PPM1L: variants seen among roughly 807,000 people sequenced by gnomAD.
The protein encoded by PPM1L is protein phosphatase 1L.
In PPM1L, 13 loss-of-function variants were observed where a neutral mutation model predicts 31.4. The ratio of observed to expected loss-of-function variants is 0.41; its 90% confidence interval spans 0.27 to 0.66. PPM1L has a LOEUF of 0.66. PPM1L is among the 30% of genes least tolerant of loss of function. PPM1L has a pLI of 0.29. For missense variants in PPM1L, 326 were observed against 453.7 expected, an observed-to-expected ratio of 0.72 and a Z score of 2.56; for synonymous variants, 184 against 175.4, an observed-to-expected ratio of 1.05 and a Z score of -0.39.
rs1013720463 is a variant in PPM1L at position 160,796,671 on chromosome 3, G to A, written c.399+39964G>A. 3.9e-5 allele frequency among the ~76,000 whole-genome samples: 6 copies of A among 152,184 alleles called. No individual in the cohort carries two copies. The South Asian group carries it at 1.2e-3, about 31-fold the overall frequency. ...AGGGCTTGAACTTTGGAGTAAGAAG[G>A]ATCTGCATTTAAATTTGATTCTCCC... On this transcript the variant is annotated intron_variant, in intron 1 of 3. Coordinates refer to ENST00000498165, the MANE Select transcript of PPM1L (RefSeq NM_139245.4).
At chr3:160,761,763 G>A (rs1187122535) in intron 1 of PPM1L, among the ~76,000 whole-genome samples, 1 of 152,182 alleles carries the variant, frequency 6.6e-6, no homozygotes, top group African/African-American at 2.4e-5. Flanking sequence ...ATAGTTCCAC[G>A]TGGCTGGGGA....
chr3:160,797,119 G>A (rs1347247221), intron 1 of PPM1L, among the ~76,000 whole-genome samples: 1 of 152,106 alleles, frequency 6.6e-6, no homozygotes, highest in African/African-American at 2.4e-5. Context: ...CCCATGTTGA[G>A]CAAGATTATT....
intron 2 of PPM1L, among the ~76,000 whole-genome samples, chr3:160,986,508 G>A (rs985585264): frequency 6.6e-6 from 1 of 152,162 alleles, no homozygotes; most frequent in Non-Finnish European, 1.5e-5. Flanking sequence ...ATTACAAATT[G>A]TAAAGAGTTA....
At chr3:160,758,983 G>C (rs939369363) in intron 1 of PPM1L, among the ~76,000 whole-genome samples, 3 of 152,134 alleles carry the variant, frequency 2.0e-5, no homozygotes, top group African/African-American at 4.8e-5. Flanking sequence ...GCAAAATAAG[G>C]AAAGTGCTAC....
chr3:160,981,841 C>T (rs1393331378), intron 2 of PPM1L, among the ~76,000 whole-genome samples: 12 of 152,110 alleles, frequency 7.9e-5, no homozygotes, highest in Admixed American at 7.2e-4. Context: ...CAGCTCACTG[C>T]AGCCTCTGCC....
intron 1 of PPM1L, among the ~76,000 whole-genome samples, chr3:160,893,398 C>T (rs1302626767): frequency 4.6e-5 from 7 of 152,146 alleles, no homozygotes; most frequent in Non-Finnish European, 7.4e-5. Flanking sequence ...TTTGAAATAG[C>T]TCACTCAGCA....
intron 2 of PPM1L, among the ~76,000 whole-genome samples, chr3:160,975,351 T>C (rs1576755521): frequency 6.6e-6 from 1 of 152,166 alleles, no homozygotes; most frequent in Non-Finnish European, 1.5e-5. Context: ...GACTTGGCGA[T>C]GCGGGCTCTT....
In PPM1L at chr3:161,075,471, T is replaced by C. The variant is rs1720068831; in HGVS notation, c.*6314T>C. On this transcript the variant is annotated 3_prime_UTR_variant, in exon 4 of 4. Coordinates refer to ENST00000498165, the MANE Select transcript of PPM1L (RefSeq NM_139245.4). ...GCTTGTCTCTTAGAGTATTGGTTAA[T>C]GCTTTGCTTATTTGTTAATGAAGAC... 1 of 152,234 alleles carries C rather than the reference T, an allele frequency of 6.6e-6. No homozygotes were observed. Among genetic ancestry groups the C allele is most frequent in the Non-Finnish European group, 1.5e-5 (1 of 68,034 alleles). 9.4% of individuals were successfully genotyped at this position (152,234 alleles called of 1,614,324 possible).
At chr3:160,822,551 CTG>C (rs144147911) in intron 1 of PPM1L, among the ~76,000 whole-genome samples, 8,781 of 151,984 alleles carry the variant, frequency 0.058, 276 homozygotes, top group African/African-American at 0.075. Context: ...CTTTAAAAGT[CTG>C]TGTCTTTTAA....
chr3:161,005,979 CAT>C (rs1717691462), intron 2 of PPM1L, among the ~76,000 whole-genome samples: 1 of 150,194 alleles, frequency 6.7e-6, no homozygotes, highest in Admixed American at 6.6e-5. Context: ...ATTAAAAAAA[CAT>C]AAAAAAATAC....
chr3:161,055,900 A>G (rs1186576928), intron 2 of PPM1L, among the ~76,000 whole-genome samples: 2 of 152,120 alleles, frequency 1.3e-5, no homozygotes, highest in African/African-American at 4.8e-5. Flanking sequence ...GTGAGTGTCC[A>G]TGTGCATTAT....
intron 1 of PPM1L, among the ~76,000 whole-genome samples, chr3:160,919,326 T>C (rs1195820122): frequency 6.6e-6 from 1 of 152,206 alleles, no homozygotes; most frequent in Non-Finnish European, 1.5e-5. Flanking sequence ...TTATCTAGGA[T>C]CATAGTTGGG....
At chr3:160,877,571 A>G (rs1207054424) in intron 1 of PPM1L, among the ~76,000 whole-genome samples, 1 of 152,156 alleles carries the variant, frequency 6.6e-6, no homozygotes, top group Non-Finnish European at 1.5e-5. Flanking sequence ...ATGCGGACAC[A>G]TGAGAAGTGG....
intron 3 of PPM1L, among the ~76,000 whole-genome samples, chr3:161,067,590 A>G (rs1719778847): frequency 1.3e-5 from 2 of 152,246 alleles, no homozygotes; most frequent in Non-Finnish European, 2.9e-5. Context: ...CTTTACACAT[A>G]CACTTTCTCT....
chr3:160,784,046 A>G (rs1207722192), intron 1 of PPM1L, among the ~76,000 whole-genome samples: 1 of 152,180 alleles, frequency 6.6e-6, no homozygotes, highest in Admixed American at 6.5e-5. Flanking sequence ...CTATTGCCAG[A>G]ACCTAATAAT....
At chr3:160,764,866 A>G (rs575482676) in intron 1 of PPM1L, among the ~76,000 whole-genome samples, 43 of 152,204 alleles carry the variant, frequency 2.8e-4, no homozygotes, top group Non-Finnish European at 5.4e-4. Context: ...CTGCTTCCTT[A>G]TTTGTATACA....
chr3:160,770,935 A>T (rs1334940971), intron 1 of PPM1L, among the ~76,000 whole-genome samples: 1 of 152,202 alleles, frequency 6.6e-6, no homozygotes, highest in South Asian at 2.1e-4. Context: ...CTGAGTTGGT[A>T]TAAGAGACAA....
At chr3:160,757,152 G>C (rs555300452) in intron 1 of PPM1L, among the ~76,000 whole-genome samples, 2 of 152,200 alleles carry the variant, frequency 1.3e-5, no homozygotes, top group South Asian at 4.1e-4. Flanking sequence ...TAGGCAAACA[G>C]GCTATATCTG....
intron 2 of PPM1L, among the ~76,000 whole-genome samples, chr3:161,013,719 G>A (rs1717974617): frequency 6.6e-6 from 1 of 152,128 alleles, no homozygotes; most frequent in Non-Finnish European, 1.5e-5. Context: ...TGTATTGAGT[G>A]CATATATATT....
Sources: allele counts gnomAD v4.1 joint callset (sites outside exome capture counted in the v4.1 genomes callset), GRCh38; gene constraint gnomAD v4.1.1; transcripts MANE v1.5; gene names NCBI Gene and HGNC (gene_info 2026-07-23, HGNC 2026-07-21).